The following ZRANB3 variants were observed in gnomAD, a reference collection of about 807,000 sequenced individuals.
The protein encoded by ZRANB3 is zinc finger RANBP2-type containing 3.
A neutral mutation model predicts 133.8 loss-of-function variants in ZRANB3; 125 were observed. The ratio of observed to expected loss-of-function variants is 0.93; its 90% CI spans 0.81 to 1.08. ZRANB3 has a LOEUF of 1.08. Ranked by LOEUF, ZRANB3 falls within the 50% of genes least tolerant of loss-of-function variation. The pLI, the probability that ZRANB3 is intolerant of heterozygous loss-of-function variation, is 0.00. For synonymous variants in ZRANB3, 387 were observed against 432.7 expected (o/e 0.89, Z 1.31); for missense variants, 1,229 against 1,275.5 (o/e 0.96, Z 0.56).
chr2:135,329,685 C>T (rs1684037390), intron 6 of ZRANB3, among the ~76,000 whole-genome samples: 2 of 152,202 alleles, frequency 1.3e-5, no homozygotes, highest in Admixed American at 1.3e-4. Flanking sequence ...TTCTTCCTAT[C>T]CATGAGCATG....
intron 12 of ZRANB3, among the ~76,000 whole-genome samples, chr2:135,259,311 C>CAA (rs77611816): frequency 0.2 from 30,031 of 151,916 alleles, 4,024 homozygotes; most frequent in African/African-American, 0.36. Context: ...CAAGAGCCAC[C>CAA]GCTCTGGCCT....
chr2:135,391,965 T>C (rs1687255856), intron 2 of ZRANB3, among the ~76,000 whole-genome samples: 1 of 152,126 alleles, frequency 6.6e-6, no homozygotes, highest in Non-Finnish European at 1.5e-5. Flanking sequence ...TATGCAATGA[T>C]AATTGAGGAT....
At chr2:135,452,486 G>T (rs190068406) in intron 2 of ZRANB3, among the ~76,000 whole-genome samples, 1 of 152,252 alleles carries the variant, frequency 6.6e-6, no homozygotes, top group Non-Finnish European at 1.5e-5. Context: ...TCTCATCTGA[G>T]ACAAGGCAAG....
intron 3 of ZRANB3, among the ~76,000 whole-genome samples, chr2:135,381,230 C>T (rs572592072): frequency 7.9e-5 from 12 of 152,224 alleles, no homozygotes; most frequent in East Asian, 1.9e-4. Flanking sequence ...CAGGGTCCTA[C>T]GCCCACGGAG....
intron 8 of ZRANB3, among the ~76,000 whole-genome samples, chr2:135,280,572 T>A (rs1382497352): frequency 1.3e-5 from 2 of 151,790 alleles, no homozygotes; most frequent in Admixed American, 1.3e-4. Context: ...TCTCAAAAAA[T>A]AAATAAATAA....
chr2:135,376,768 A>C (rs547504640), intron 3 of ZRANB3, among the ~76,000 whole-genome samples: 1 of 152,350 alleles, frequency 6.6e-6, no homozygotes, highest in African/African-American at 2.4e-5. Flanking sequence ...GATGAATACA[A>C]GACATTAAGC....
intron 12 of ZRANB3, among the ~76,000 whole-genome samples, chr2:135,240,124 T>C (rs1573739897): frequency 1.3e-5 from 2 of 152,042 alleles, no homozygotes; most frequent in South Asian, 2.1e-4. Flanking sequence ...GGAGGATTGT[T>C]TGATGCAAGG....
intron 17 of ZRANB3, among the ~76,000 whole-genome samples, chr2:135,213,950 G>C (rs1214688126): frequency 6.6e-6 from 1 of 152,152 alleles, no homozygotes; most frequent in East Asian, 1.9e-4. Context: ...TAGGACCACA[G>C]AGAGGCCTCT....
chr2:135,517,101 T>C (rs972170451), intron 1 of ZRANB3, among the ~76,000 whole-genome samples: 6 of 151,996 alleles, frequency 3.9e-5, no homozygotes, highest in Admixed American at 2.0e-4. Context: ...AAAGTTCTCA[T>C]GCTGTGTTTT....
At chr2:135,333,574 A>G (rs537170694) in intron 6 of ZRANB3, among the ~76,000 whole-genome samples, 7 of 152,360 alleles carry the variant, frequency 4.6e-5, no homozygotes, top group Non-Finnish European at 7.3e-5. Flanking sequence ...TAATAAATCA[A>G]ATCTATAAAT....
chr2:135,358,392 C>T (rs1685527359), intron 3 of ZRANB3, among the ~76,000 whole-genome samples: 2 of 152,152 alleles, frequency 1.3e-5, no homozygotes, highest in African/African-American at 4.8e-5. Flanking sequence ...GCCTGTTTGA[C>T]TTATGTTGCT....
chr2:135,330,476 C>T (rs192784015), intron 6 of ZRANB3, among the ~76,000 whole-genome samples: 14 of 152,186 alleles, frequency 9.2e-5, no homozygotes, highest in Admixed American at 3.3e-4. Flanking sequence ...TAAGGATTTT[C>T]GCATCGATGT....
At chr2:135,369,009 C>T (rs1558948038) in intron 3 of ZRANB3, among the ~76,000 whole-genome samples, 1 of 151,636 alleles carries the variant, frequency 6.6e-6, no homozygotes, top group East Asian at 1.9e-4. Context: ...TCACTTAGGA[C>T]AGAGAAGAAA....
chr2:135,392,737 G>A (rs985065864), intron 2 of ZRANB3, among the ~76,000 whole-genome samples: 2 of 152,138 alleles, frequency 1.3e-5, no homozygotes, highest in African/African-American at 4.8e-5. Flanking sequence ...AACAGAGTGA[G>A]ACTCCGTCTC....
At chr2:135,480,680 T>G (rs972821248) in intron 2 of ZRANB3, among the ~76,000 whole-genome samples, 1 of 151,324 alleles carries the variant, frequency 6.6e-6, no homozygotes, top group Admixed American at 6.6e-5. Flanking sequence ...TAGTTACATA[T>G]GTATACATGT....
intron 2 of ZRANB3, among the ~76,000 whole-genome samples, chr2:135,487,296 T>C (rs1021994727): frequency 2.0e-5 from 3 of 152,218 alleles, no homozygotes; most frequent in Non-Finnish European, 4.4e-5. Flanking sequence ...ATTCTACTTA[T>C]AGAACACAGG....
At chr2:135,386,114 A>C (rs889021085) in intron 3 of ZRANB3, among the ~76,000 whole-genome samples, 8 of 152,224 alleles carry the variant, frequency 5.3e-5, no homozygotes, top group Non-Finnish European at 1.0e-4. Flanking sequence ...GCTAATATCC[A>C]GAATCTACAG....
chr2:135,448,272 C>G (rs568327671), intron 2 of ZRANB3, among the ~76,000 whole-genome samples: 22 of 152,304 alleles, frequency 1.4e-4, no homozygotes, highest in Middle Eastern at 3.4e-3. Context: ...CTCAGCTGCA[C>G]ACCAATTTTA....
intron 12 of ZRANB3, among the ~76,000 whole-genome samples, chr2:135,254,017 G>T (rs1260066157): frequency 6.6e-6 from 1 of 152,190 alleles, no homozygotes; most frequent in East Asian, 1.9e-4. Flanking sequence ...GCAAGTGTGA[G>T]TTCCTCTCCA....
Sources: gnomAD v4.1 joint callset for allele counts (sites outside exome capture counted in the v4.1 genomes callset) on GRCh38, gnomAD v4.1.1 for gene constraint, MANE v1.5 for transcripts, NCBI Gene and HGNC (gene_info 2026-07-23, HGNC 2026-07-21) for gene names.